EDIL3: variants seen among roughly 807,000 people sequenced by gnomAD.
The protein encoded by EDIL3 is EGF like and discoidin domains 3.
Under a neutral mutation model 67.4 loss-of-function variants are expected in EDIL3, and 37 were observed. That is an observed-to-expected ratio of 0.55 (90% CI 0.42 to 0.72). EDIL3 has a LOEUF of 0.72. Ranked by LOEUF, EDIL3 falls within the 30% of genes least tolerant of loss-of-function variation. EDIL3 has a pLI of 0.00. For synonymous variants in EDIL3, 195 were observed against 196.3 expected (o/e 0.99, Z 0.05); for missense variants, 527 against 586.3 (o/e 0.90, Z 1.04).
chr5:84,050,352 T>C (rs1469579205), intron 9 of EDIL3, among the ~76,000 whole-genome samples: 3 of 151,924 alleles, frequency 2.0e-5, no homozygotes, highest in African/African-American at 7.3e-5. Context: ...CATGGCAGAA[T>C]AGGAACAGCT....
At chr5:84,022,332 T>C (rs781574115) in intron 9 of EDIL3, among the ~76,000 whole-genome samples, 4 of 152,090 alleles carry the variant, frequency 2.6e-5, no homozygotes, top group East Asian at 3.9e-4. Flanking sequence ...ATAATCTCAA[T>C]AGATGCAGAG....
At chr5:84,174,611 G>A (rs1010481833) in intron 4 of EDIL3, among the ~76,000 whole-genome samples, 2 of 152,230 alleles carry the variant, frequency 1.3e-5, no homozygotes, top group African/African-American at 2.4e-5. Context: ...AGGTTCAAGC[G>A]TTTTGGTCAG....
intron 1 of EDIL3, among the ~76,000 whole-genome samples, chr5:84,365,252 A>G (rs1031179972): frequency 1.3e-5 from 2 of 152,164 alleles, no homozygotes; most frequent in Non-Finnish European, 2.9e-5. Flanking sequence ...GAACTAGTAG[A>G]TTACAAAAAA....
At chr5:84,177,136 T>C (rs1748931667) in intron 4 of EDIL3, among the ~76,000 whole-genome samples, 1 of 152,130 alleles carries the variant, frequency 6.6e-6, no homozygotes, top group Non-Finnish European at 1.5e-5. Flanking sequence ...AAACCTGCCA[T>C]GAATGTCTAT....
At chr5:84,151,264 T>TACACACACACACACAC (rs201338208) in intron 4 of EDIL3, among the ~76,000 whole-genome samples, 2 of 129,550 alleles carry the variant, frequency 1.5e-5, no homozygotes, top group African/African-American at 5.9e-5. Flanking sequence ...CACACGCACA[T>TACACACACACACACAC]ACACACACAC....
chr5:84,116,254 A>ACAT (rs1422555277), intron 5 of EDIL3, among the ~76,000 whole-genome samples: 1 of 151,968 alleles, frequency 6.6e-6, no homozygotes, highest in African/African-American at 2.4e-5. Context: ...CCAAGGAAAG[A>ACAT]CATACTGAGC....
chr5:84,031,386 T>G (rs2112203031), intron 9 of EDIL3, among the ~76,000 whole-genome samples: 1 of 152,346 alleles, frequency 6.6e-6, no homozygotes, highest in South Asian at 2.1e-4. Flanking sequence ...AGATGGATAA[T>G]AATTTTTTAC....
intron 9 of EDIL3, chr5:84,048,143 T>A (rs899062340): frequency 8.3e-6 from 3 of 360,170 alleles, no homozygotes; most frequent in Middle Eastern, 3.9e-4. Context: ...TAGATCTTCT[T>A]TATAGGTGAA....
At chr5:84,163,359 C>T (rs1334622066) in intron 4 of EDIL3, among the ~76,000 whole-genome samples, 1 of 152,054 alleles carries the variant, frequency 6.6e-6, no homozygotes, top group Non-Finnish European at 1.5e-5. Context: ...ACTTACATTC[C>T]TATGAGACTA....
intron 4 of EDIL3, among the ~76,000 whole-genome samples, chr5:84,164,413 C>T (rs1748668635): frequency 6.6e-6 from 1 of 151,962 alleles, no homozygotes. Flanking sequence ...AATATGCCAG[C>T]ACTAATTCAT....
intron 3 of EDIL3, among the ~76,000 whole-genome samples, chr5:84,186,900 G>A (rs1743467128): frequency 6.6e-6 from 1 of 152,014 alleles, no homozygotes; most frequent in Non-Finnish European, 1.5e-5. Flanking sequence ...GCCTTGTAAA[G>A]AAGTTTGTCT....
chr5:83,991,998 T>C (rs541601268), intron 9 of EDIL3, among the ~76,000 whole-genome samples: 15 of 152,310 alleles, frequency 9.8e-5, no homozygotes, highest in African/African-American at 3.6e-4. Context: ...CCTCAGTATG[T>C]GCTGCACATA....
intron 3 of EDIL3, among the ~76,000 whole-genome samples, chr5:84,182,730 G>A (rs182031313): frequency 3.3e-5 from 5 of 152,042 alleles, no homozygotes; most frequent in East Asian, 1.9e-4. Flanking sequence ...GAAACAATGT[G>A]GCAACTGTAC....
intron 6 of EDIL3, among the ~76,000 whole-genome samples, chr5:84,104,053 A>T (rs1285071314): frequency 6.6e-6 from 1 of 152,096 alleles, no homozygotes; most frequent in Non-Finnish European, 1.5e-5. Flanking sequence ...GAGTCAGATC[A>T]TGTCTTTTGC....
rs371926753 is a variant in EDIL3, at chr5:83,987,469, A to G, written c.1138-24109T>C. Among the ~76,000 whole-genome samples, 23 of 152,192 alleles carry G rather than the reference A, an allele frequency of 1.5e-4. No individual in the cohort carries two copies. In the South Asian group the frequency reaches 4.8e-3, roughly 32 times the overall value. On this transcript the variant is annotated intron_variant, in intron 9 of 10. Transcript: ENST00000296591. ...GTGACATTAGTATGCTGACTTTTTA[A>G]TGTTTACTATTTGTCAAAATATGTA...
chr5:83,946,298 CTAA>C (rs1371847995), intron 10 of EDIL3, among the ~76,000 whole-genome samples: 1 of 151,878 alleles, frequency 6.6e-6, no homozygotes, highest in Non-Finnish European at 1.5e-5. Flanking sequence ...AGGAAGGAGG[CTAA>C]TTGGCTGATC....
chr5:83,982,229 C>T (rs764153492), intron 9 of EDIL3, among the ~76,000 whole-genome samples: 29 of 152,192 alleles, frequency 1.9e-4, no homozygotes, highest in Admixed American at 3.3e-4. Context: ...TCTTATATGG[C>T]ATAATGCCTA....
At chr5:84,378,481 G>A (rs573126336) in intron 1 of EDIL3, among the ~76,000 whole-genome samples, 13 of 152,212 alleles carry the variant, frequency 8.5e-5, no homozygotes, top group Non-Finnish European at 1.5e-4. Context: ...AAGTTGGCAT[G>A]TTTTACTGCT....
intron 9 of EDIL3, among the ~76,000 whole-genome samples, chr5:83,992,513 G>A (rs113173364): frequency 3.3e-5 from 5 of 152,094 alleles, no homozygotes; most frequent in Non-Finnish European, 5.9e-5. Flanking sequence ...ACAAAGCAGC[G>A]AGGAAGAGAA....
Sources: gnomAD v4.1 joint callset for allele counts (sites outside exome capture counted in the v4.1 genomes callset) on GRCh38, gnomAD v4.1.1 for gene constraint, MANE v1.5 for transcripts, NCBI Gene and HGNC (gene_info 2026-07-23, HGNC 2026-07-21) for gene names.